Variants in ZNF705G observed in about 807,000 individuals in gnomAD.
ZNF705G encodes zinc finger protein 705G, also known as putative zinc finger protein 705G.
Under a neutral mutation model 19.6 loss-of-function variants are expected in ZNF705G, and 23 were observed. The observed-to-expected ratio is 1.17, with a 90% CI of 0.84 to 1.66. The LOEUF (loss-of-function observed/expected upper bound fraction) is 1.66, where lower values mean the gene tolerates loss of function less well. Ranked by LOEUF, ZNF705G falls within the 40% of genes most tolerant of loss-of-function variation. ZNF705G has a pLI of 0.00. For missense variants in ZNF705G, 457 were observed against 354.4 expected (o/e 1.29, Z -2.32); for synonymous variants, 146 against 117.7 (o/e 1.24, Z -1.56).
At chr8:7,369,811 T>C (rs1258625579) in intron 2 of ZNF705G, among the ~76,000 whole-genome samples, 1 of 149,216 alleles carries the variant, frequency 6.7e-6, no homozygotes, top group East Asian at 1.9e-4. Flanking sequence ...CCATATGTTC[T>C]TAGTTATAAG....
intron 2 of ZNF705G, among the ~76,000 whole-genome samples, chr8:7,365,924 T>C (rs1321162234): frequency 6.7e-6 from 1 of 149,346 alleles, no homozygotes; most frequent in Non-Finnish European, 1.5e-5. Flanking sequence ...TCCTTTCCCT[T>C]CCTTTAATTC....
At chr8:7,366,132 T>C (rs1436361984) in intron 2 of ZNF705G, among the ~76,000 whole-genome samples, 15 of 148,176 alleles carry the variant, frequency 1.0e-4, no homozygotes, top group Non-Finnish European at 1.3e-4. Flanking sequence ...AAAACGAATA[T>C]ATATCAGATT....
intron 3 of ZNF705G, among the ~76,000 whole-genome samples, chr8:7,361,601 C>A (rs1305284890): frequency 6.7e-6 from 1 of 149,636 alleles, no homozygotes; most frequent in Non-Finnish European, 1.5e-5. Flanking sequence ...AGATTTGTCA[C>A]AAGGCAAATA....
chr8:7,363,256 C>T (rs533743759), intron 2 of ZNF705G, among the ~76,000 whole-genome samples: 14 of 148,264 alleles, frequency 9.4e-5, no homozygotes, highest in East Asian at 7.7e-4. Flanking sequence ...ATCAAAAGCA[C>T]GGAGTTTTGT....
rs1484111008 is a variant in ZNF705G at position 7,357,733 on chromosome 8, C to T, written c.*243G>A. 1.4e-6 allele frequency: 1 copy of T among 714,564 alleles called. No individual in the cohort carries two copies. The highest frequency in any genetic ancestry group is 2.2e-6 in the Non-Finnish European group (1 of 454,900). The allele number at this position is 714,564 out of a possible 1,614,324, so 44.3% of individuals were successfully genotyped here. On this transcript the variant is annotated 3_prime_UTR_variant, in exon 7 of 7. Coordinates refer to ENST00000400156, the MANE Select transcript of ZNF705G (RefSeq NM_001164457.3). ...ATCTTCCATGTTGATTACAGTATTTCTTCAAAATGTGAGTCCTTTGGCATG... is the reference window on the plus strand; with the variant it reads ...ATCTTCCATGTTGATTACAGTATTTTTTCAAAATGTGAGTCCTTTGGCATG...
At chr8:7,379,261 C>G (rs1464281900) in intron 2 of ZNF705G, among the ~76,000 whole-genome samples, 1 of 147,494 alleles carries the variant, frequency 6.8e-6, no homozygotes, top group Non-Finnish European at 1.5e-5. Context: ...GAGATATATT[C>G]CAACCAACTC....
intron 2 of ZNF705G, among the ~76,000 whole-genome samples, chr8:7,366,648 T>C (rs1434496815): frequency 6.7e-6 from 1 of 149,598 alleles, no homozygotes; most frequent in African/African-American, 2.6e-5. Flanking sequence ...ATGGACAAAT[T>C]ATTTGCTGTA....
In ZNF705G at chr8:7,358,146, T is replaced by C; in HGVS notation, c.733A>G (p.Arg245Gly). The change falls in exon 7 of 7, where the codon AGA becomes GGA. Residue 245 changes from arginine to glycine, a missense_variant. Physicochemically the swap from Arg to Gly is moderately radical, Grantham distance 125 (BLOSUM62 -2). Coordinates refer to ENST00000400156, the MANE Select transcript of ZNF705G (RefSeq NM_001164457.3). ...KVFIQSFNLQ[R>G]HERTHLGKKC... ...TTTCCAAGGTGAGTTCTCTCATGTCTTTGAAGGTTAAAGGATTGAATAAAG... is the reference window on the plus strand; with the variant it reads ...TTTCCAAGGTGAGTTCTCTCATGTCCTTGAAGGTTAAAGGATTGAATAAAG... 6.2e-7 allele frequency: 1 copy of C among 1,607,592 alleles called. No homozygotes were observed. Among genetic ancestry groups the C allele is most frequent in the Non-Finnish European group, 8.5e-7 (1 of 1,179,622 alleles).
rs1176525299 is a variant in ZNF705G, at chr8:7,357,352, C to G, written c.*624G>C. On this transcript the variant is annotated 3_prime_UTR_variant, in exon 7 of 7. Coordinates refer to ENST00000400156, the MANE Select transcript of ZNF705G (RefSeq NM_001164457.3). ...CCTCTCTTATTTTCCATTTTAGCAG[C>G]ATTTTGTCACTCTTCTCTTGTGAAC... 1.3e-5 allele frequency: 2 copies of G among 152,718 alleles called. No individual in the cohort carries two copies. Among genetic ancestry groups the G allele is most frequent in the Non-Finnish European group, 2.9e-5 (2 of 69,596 alleles). The allele number at this position is 152,718 out of a possible 1,614,324, so 9.5% of individuals were successfully genotyped here. A position where few individuals can be genotyped will look rare whatever the true frequency, so the allele number is the denominator to read the frequency against.
Position 7,359,636 on chromosome 8 carries a change from A to G in ZNF705G, c.301T>C (p.Ser101Pro), listed in dbSNP as rs762122128. The G allele has an allele frequency of 6.1e-5, 98 of 1,606,778 alleles. 10 individuals carry two copies. In the African/African-American group the frequency reaches 1.2e-3, roughly 19 times the overall value. The stretch of plus-strand genomic sequence containing the variant: ...AAACTTACCATTGTCATACTGGTGG[A>G]TGCGTCTTTTCTGGTGATAGGATGC... ...SMHPITRKDA[S>P]TSMTMENSLI... The change falls in exon 6 of 7, where the codon TCC (serine) becomes CCC (proline). Residue 101 changes from serine to proline, a missense_variant. Transcript: ENST00000400156.
chr8:7,370,270 CAA>C (rs59555789), intron 2 of ZNF705G, among the ~76,000 whole-genome samples: 6,039 of 138,668 alleles, frequency 0.044, 779 homozygotes, highest in African/African-American at 0.17. Flanking sequence ...GACTCCATCT[CAA>C]AAAAAAAAAA....
rs1806505108 is a variant in ZNF705G, at chr8:7,360,121, T to C, written c.235+116A>G. On this transcript the variant is annotated intron_variant, in intron 5 of 6. Coordinates refer to ENST00000400156, the MANE Select transcript of ZNF705G (RefSeq NM_001164457.3). ...TCTAAGGAATTCTGCTCCAGTAGCC[T>C]AACCTACATTTTAGAAATTATCACT... 3.2e-6 allele frequency: 4 copies of C among 1,231,750 alleles called. No homozygotes were observed. The Admixed American group carries it at 8.2e-5, about 25-fold the overall frequency. The allele number at this position is 1,231,750 out of a possible 1,614,324, so 76.3% of individuals were successfully genotyped here.
In ZNF705G at chr8:7,359,728, A is replaced by G. The variant is rs777061102; in HGVS notation, c.236-27T>C. 29 of 1,605,876 alleles carry G rather than the reference A, an allele frequency of 1.8e-5. 2 individuals carry two copies. The Admixed American group carries it at 4.7e-4, about 26-fold the overall frequency. On this transcript the variant is annotated intron_variant, in intron 5 of 6. Transcript: ENST00000400156. ...TGAAATAATTGAAAAATAAATTGTT[A>G]CATTGGTATTATGGTAATAAAATTG... is the stretch of plus-strand genomic sequence containing the variant.
At chr8:7,367,810 C>T (rs149862181) in intron 2 of ZNF705G, among the ~76,000 whole-genome samples, 1,848 of 149,698 alleles carry the variant, frequency 0.012, 28 homozygotes, top group Middle Eastern at 0.017. Flanking sequence ...ATTCTTTCTT[C>T]TAGGAGGCAA....
intron 2 of ZNF705G, among the ~76,000 whole-genome samples, chr8:7,371,112 C>T (rs918371428): frequency 7.0e-5 from 10 of 142,468 alleles, no homozygotes; most frequent in South Asian, 2.3e-4. Context: ...TACATATATG[C>T]AATGGAATAT....
At chr8:7,376,488 A>T (rs1807244764) in intron 2 of ZNF705G, among the ~76,000 whole-genome samples, 1 of 117,016 alleles carries the variant, frequency 8.5e-6, no homozygotes, top group Non-Finnish European at 1.7e-5. Context: ...CTCAGAATTA[A>T]AACACTTTTC....
intron 2 of ZNF705G, among the ~76,000 whole-genome samples, chr8:7,370,482 T>C (rs1227942442): frequency 6.7e-6 from 1 of 149,388 alleles, no homozygotes; most frequent in Non-Finnish European, 1.5e-5. Flanking sequence ...ATAACCCTTG[T>C]ATACTTGTGG....
At chr8:7,370,206 G>T (rs1754722359) in intron 2 of ZNF705G, among the ~76,000 whole-genome samples, 1 of 147,652 alleles carries the variant, frequency 6.8e-6, no homozygotes, top group African/African-American at 2.7e-5. Flanking sequence ...AGGAGGCGGA[G>T]CTTGCAGCAA....
rs1259331901 is a variant in ZNF705G, at chr8:7,374,177, A to G, written c.-72+7275T>C. ...CTAAAGCCTGAAAAAAGGTGATACC[A>G]TATCCAATTATATTAACTCGGTAGC... On this transcript the variant is annotated intron_variant, in intron 2 of 6. Coordinates refer to ENST00000400156, the MANE Select transcript of ZNF705G (RefSeq NM_001164457.3). 3.7e-5 allele frequency among the ~76,000 whole-genome samples: 4 copies of G among 107,816 alleles called. 1 individual carries two copies. In the Admixed American group the frequency reaches 4.5e-4, roughly 12 times the overall value. The allele number at this position is 107,816 out of a possible 152,430, so 70.7% of individuals were successfully genotyped here.
Sources: allele counts gnomAD v4.1 joint callset (sites outside exome capture counted in the v4.1 genomes callset), GRCh38; gene constraint gnomAD v4.1.1; transcripts MANE v1.5; gene names NCBI Gene and HGNC (gene_info 2026-07-23, HGNC 2026-07-21).